PLEKHG7: variants seen among roughly 807,000 people sequenced by gnomAD.
PLEKHG7 encodes pleckstrin homology and RhoGEF domain containing G7.
Under a neutral mutation model 85.2 loss-of-function variants are expected in PLEKHG7, and 77 were observed. The observed-to-expected ratio is 0.90, with a 90% CI of 0.75 to 1.09. The LOEUF (loss-of-function observed/expected upper bound fraction) is 1.09. Among genes scored for constraint, PLEKHG7 ranks in the 50% least tolerant of loss-of-function variants. The pLI is 0.00. For missense variants in PLEKHG7, 777 were observed against 804.3 expected (o/e 0.97, Z 0.41); for synonymous variants, 301 against 302.4 (o/e 1.00, Z 0.05).
At chr12:92,748,759 A>G (rs1872607387) in intron 10 of PLEKHG7, among the ~76,000 whole-genome samples, 1 of 152,242 alleles carries the variant, frequency 6.6e-6, no homozygotes, top group African/African-American at 2.4e-5. Context: ...AGTGCTCTTC[A>G]TATCAGAACT....
intron 13 of PLEKHG7, 75 bp from the exon 14 acceptor site, chr12:92,761,677 A>G (rs997984714): frequency 6.6e-6 from 9 of 1,359,862 alleles, no homozygotes; most frequent in Non-Finnish European, 8.6e-6. Flanking sequence ...AAAGAAAGAA[A>G]GAAAGAAAGG....
intron 4 of PLEKHG7, among the ~76,000 whole-genome samples, chr12:92,730,055 G>C (rs1211631236): frequency 1.3e-5 from 2 of 152,172 alleles, no homozygotes; most frequent in Non-Finnish European, 2.9e-5. Flanking sequence ...CTCTCTACCA[G>C]TCTGCATCTG....
intron 11 of PLEKHG7, 88 bp downstream of exon 11, chr12:92,754,352 T>G: frequency 7.8e-7 from 1 of 1,286,704 alleles, no homozygotes; most frequent in Non-Finnish European, 1.1e-6. Flanking sequence ...TAGGAGGTAA[T>G]TCCACTGATT....
intron 1 of PLEKHG7, among the ~76,000 whole-genome samples, chr12:92,704,266 A>C (rs1871168468): frequency 6.6e-6 from 1 of 151,478 alleles, no homozygotes; most frequent in South Asian, 2.1e-4. Context: ...ATCTCTAAAA[A>C]GAAAAAAAAA....
Position 92,764,195 on chromosome 12 carries a change from G to A in PLEKHG7, c.1870+1G>A, listed in dbSNP as rs1481905392. 3.8e-6 allele frequency: 6 copies of A among 1,598,894 alleles called. No individual in the cohort carries two copies. Among genetic ancestry groups the A allele is most frequent in the East Asian group, 4.5e-5 (2 of 44,188 alleles). ...AGTATTGAACCACTCCATGTGTCAG[G>A]TATGTGTCTATTTTCATTATTCAGC... is the stretch of plus-strand genomic sequence containing the variant. On this transcript the variant is annotated splice_donor_variant, in intron 15 of 16. Transcript: ENST00000344636. LOFTEE classifies it high-confidence loss of function.
chr12:92,750,324 A>C (rs941846681), intron 10 of PLEKHG7, among the ~76,000 whole-genome samples: 1 of 152,200 alleles, frequency 6.6e-6, no homozygotes, highest in East Asian at 1.9e-4. Flanking sequence ...AAGTCAATAG[A>C]GAGATGAAAG....
In PLEKHG7 at chr12:92,710,931, G is replaced by A. The variant is rs151219317; in HGVS notation, c.530+3259G>A. On this transcript the variant is annotated intron_variant, in intron 3 of 16. Coordinates refer to ENST00000344636, the MANE Select transcript of PLEKHG7 (RefSeq NM_001377329.1). ...AGGTCACCCATTCATGAGCACCTAC[G>A]TGGGGTACAAATATCTTCACAGTTT... 1.3e-3 allele frequency among the ~76,000 whole-genome samples: 194 copies of A among 152,256 alleles called. 3 individuals carry two copies. In the East Asian group the frequency reaches 0.015, roughly 12 times the overall value.
intron 9 of PLEKHG7, among the ~76,000 whole-genome samples, chr12:92,745,016 T>C (rs1016647152): frequency 6.6e-6 from 1 of 152,192 alleles, no homozygotes; most frequent in African/African-American, 2.4e-5. Flanking sequence ...ATTAAATGCA[T>C]GGAAATTTTT....
intron 3 of PLEKHG7, among the ~76,000 whole-genome samples, chr12:92,710,409 T>C (rs914579964): frequency 6.6e-6 from 1 of 152,196 alleles, no homozygotes; most frequent in Admixed American, 6.5e-5. Context: ...GTCGCACTGC[T>C]TTGTCCATAA....
rs769642940 is a variant in PLEKHG7 at position 92,741,570 on chromosome 12, AT to A, written c.1119del (p.Phe373LeufsTer22). Reference protein sequence around the residue: ...VDASEISSSLDFISVLTKYFR... With the variant: ...VDASEISSSLXFISVLTKYFR... ...GCTTCTGAGATTTCCTCATCACTGG[AT>A]TTTATTTCCGTGCTCACAAAGGTAA... On this transcript the variant is annotated frameshift_variant, in exon 9 of 17. Coordinates refer to ENST00000344636, the MANE Select transcript of PLEKHG7 (RefSeq NM_001377329.1). LOFTEE classifies it high-confidence loss of function. 1 of 1,612,872 alleles carries A rather than the reference AT, an allele frequency of 6.2e-7. No homozygotes were observed. The highest frequency in any genetic ancestry group is 1.3e-5 in the African/African-American group (1 of 74,860).
intron 3 of PLEKHG7, 106 bp downstream of exon 3, chr12:92,707,778 T>C: frequency 6.3e-7 from 1 of 1,578,082 alleles, no homozygotes; most frequent in Admixed American, 1.8e-5. Flanking sequence ...TGTTAACCAG[T>C]GCACTTTGTT....
chr12:92,747,133 A>G (rs1872554867), intron 10 of PLEKHG7, among the ~76,000 whole-genome samples: 2 of 152,200 alleles, frequency 1.3e-5, no homozygotes, highest in Admixed American at 1.3e-4. Context: ...TTCATTTGAC[A>G]GGGGACTAAT....
intron 7 of PLEKHG7, among the ~76,000 whole-genome samples, chr12:92,739,036 G>C (rs1872267423): frequency 6.6e-6 from 1 of 152,116 alleles, no homozygotes; most frequent in South Asian, 2.1e-4. Context: ...GTTTGATCAA[G>C]GGCTCAAAAC....
chr12:92,743,314 C>T (rs1204567617), intron 9 of PLEKHG7, among the ~76,000 whole-genome samples: 1 of 152,192 alleles, frequency 6.6e-6, no homozygotes, highest in Non-Finnish European at 1.5e-5. Context: ...AGCTTACCTT[C>T]AGTGGAGCAG....
At chr12:92,768,852 A>T (rs978543362) in intron 15 of PLEKHG7, 131 bp from the exon 16 acceptor site, 13 of 588,670 alleles carry the variant, frequency 2.2e-5, no homozygotes, top group Non-Finnish European at 3.7e-5. Context: ...TATAAGCTAG[A>T]TAAACCTCCC....
At chr12:92,725,364 C>T (rs972647030) in intron 3 of PLEKHG7, among the ~76,000 whole-genome samples, 2 of 152,096 alleles carry the variant, frequency 1.3e-5, no homozygotes, top group Admixed American at 1.3e-4. Context: ...GTATGAGAAT[C>T]CTCTGAGGTG....
chr12:92,730,957 A>C (rs1316482436), intron 4 of PLEKHG7, among the ~76,000 whole-genome samples: 7 of 152,222 alleles, frequency 4.6e-5, no homozygotes, highest in Non-Finnish European at 8.8e-5. Flanking sequence ...CACGGTCTAA[A>C]GCAGTGCTGC....
intron 15 of PLEKHG7, among the ~76,000 whole-genome samples, chr12:92,767,035 T>TA (rs1233313202): frequency 1.4e-4 from 21 of 152,352 alleles, no homozygotes; most frequent in Admixed American, 1.0e-3. Context: ...GTGACAGACC[T>TA]AATTCCAAAT....
Position 92,770,262 on chromosome 12 carries a change from T to C in PLEKHG7, c.*67T>C. 8.5e-7 allele frequency: 1 copy of C among 1,179,620 alleles called. No individual in the cohort carries two copies. Among genetic ancestry groups the C allele is most frequent in the East Asian group, 2.4e-5 (1 of 41,072 alleles). 73.1% of individuals were successfully genotyped at this position (1,179,620 alleles called of 1,614,324 possible). ...TTAAGGTATAATTTCATTCAAAGTT[T>C]TGTAACACTTAGCTAGTGATAAGCT... On this transcript the variant is annotated 3_prime_UTR_variant, in exon 17 of 17. Coordinates refer to ENST00000344636, the MANE Select transcript of PLEKHG7 (RefSeq NM_001377329.1).
Sources: gnomAD v4.1 joint callset for allele counts (sites outside exome capture counted in the v4.1 genomes callset) on GRCh38, gnomAD v4.1.1 for gene constraint, MANE v1.5 for transcripts, NCBI Gene and HGNC (gene_info 2026-07-23, HGNC 2026-07-21) for gene names.